Variants in KIAA2012 observed in about 807,000 individuals in gnomAD.
KIAA2012 encodes the protein uncharacterized protein KIAA2012.
A neutral mutation model predicts 150.6 loss-of-function variants in KIAA2012; 125 were observed. The ratio of observed to expected loss-of-function variants is 0.83; its 90% confidence interval spans 0.72 to 0.96. The LOEUF (loss-of-function observed/expected upper bound fraction) is 0.96, where lower values mean the gene tolerates loss of function less well. Ranked by LOEUF, KIAA2012 falls within the 40% of genes least tolerant of loss-of-function variation. The pLI is 0.00. For synonymous variants in KIAA2012, 462 were observed against 504.7 expected (o/e 0.92, Z 1.13); for missense variants, 1,219 against 1,354.9 (o/e 0.90, Z 1.57).
At chr2:202,201,833 A>G (rs1692533022) in intron 22 of KIAA2012, 2 of 1,288,312 alleles carry the variant, frequency 1.6e-6, no homozygotes, top group East Asian at 2.3e-5. Context: ...CTGGATTCCC[A>G]GGAGGCTGCA....
chr2:202,105,861 A>T lies in KIAA2012; in HGVS notation c.1425A>T (p.Leu475Phe), dbSNP rs574228954. ...KHASLETPWE[L>F]TVHLPVDASR... ...CGTCCTTAGAAACACCATGGGAGTTAACAGTGCATCTCCCAGTGGACGCGA... is the reference window on the plus strand; with the variant it reads ...CGTCCTTAGAAACACCATGGGAGTTTACAGTGCATCTCCCAGTGGACGCGA... Residue 475 changes from leucine to phenylalanine, a missense_variant, in exon 9 of 24, where the codon TTA becomes TTT. Physicochemically the swap from Leu to Phe is conservative, Grantham distance 22. Transcript: ENST00000498697. 3 of 1,550,882 alleles carry T rather than the reference A, an allele frequency of 1.9e-6. No homozygotes were observed. In the Middle Eastern group the frequency reaches 5.0e-4, roughly 259 times the overall value.
intron 3 of KIAA2012, 58 bp downstream of exon 3, chr2:202,090,987 G>A (rs1300675447): frequency 7.4e-6 from 11 of 1,476,596 alleles, no homozygotes; most frequent in African/African-American, 1.4e-5. Context: ...CCATTCTGGT[G>A]TGACAGTGTG....
At chr2:202,161,415 A>G (rs1288012644) in intron 14 of KIAA2012, among the ~76,000 whole-genome samples, 1 of 152,192 alleles carries the variant, frequency 6.6e-6, no homozygotes, top group Non-Finnish European at 1.5e-5. Flanking sequence ...TCCAAGCATC[A>G]AAGATGTATT....
At chr2:202,158,201 A>T (rs1014102102) in intron 14 of KIAA2012, among the ~76,000 whole-genome samples, 1 of 152,046 alleles carries the variant, frequency 6.6e-6, no homozygotes, top group African/African-American at 2.4e-5. Context: ...TCACCATGTC[A>T]GCCAGGATGG....
intron 17 of KIAA2012, 131 bp downstream of exon 17, chr2:202,187,229 C>G (rs1237474214): frequency 7.0e-6 from 7 of 1,000,294 alleles, no homozygotes; most frequent in Non-Finnish European, 8.5e-6. Flanking sequence ...GCACTGAGGT[C>G]CAGCCTGTGG....
chr2:202,199,558 T>C (rs1371172371), intron 22 of KIAA2012, among the ~76,000 whole-genome samples: 1 of 152,204 alleles, frequency 6.6e-6, no homozygotes, highest in African/African-American at 2.4e-5. Flanking sequence ...AGACATACAA[T>C]GCTGAACTTC....
At chr2:202,089,237 A>G (rs778418985) in intron 2 of KIAA2012, among the ~76,000 whole-genome samples, 1 of 152,218 alleles carries the variant, frequency 6.6e-6, no homozygotes, top group African/African-American at 2.4e-5. Flanking sequence ...TTTTTGTTAC[A>G]TGAGATAACA....
At chr2:202,095,326 G>A (rs961680022) in intron 4 of KIAA2012, among the ~76,000 whole-genome samples, 19 of 152,198 alleles carry the variant, frequency 1.2e-4, no homozygotes, top group African/African-American at 4.6e-4. Flanking sequence ...TTTATCTGAA[G>A]AAGTAGCAAA....
intron 12 of KIAA2012, 80 bp from the exon 13 acceptor site, chr2:202,138,352 G>GTGTA (rs2105944378): frequency 2.2e-6 from 2 of 915,524 alleles, no homozygotes; most frequent in African/African-American, 1.6e-5. Context: ...AGGTGTGTGT[G>GTGTA]TGTGTATGGT....
intron 13 of KIAA2012, among the ~76,000 whole-genome samples, chr2:202,154,237 A>G (rs1418062215): frequency 6.6e-6 from 1 of 152,252 alleles, no homozygotes; most frequent in African/African-American, 2.4e-5. Context: ...TTTGATAACC[A>G]TTCAGCCACT....
At chr2:202,106,994 C>G (rs1690213015) in intron 9 of KIAA2012, among the ~76,000 whole-genome samples, 1 of 152,146 alleles carries the variant, frequency 6.6e-6, no homozygotes, top group Non-Finnish European at 1.5e-5. Context: ...CTGTGCCAGG[C>G]ACTGTTCTTA....
At chr2:202,200,785 C>G (rs1692504617) in intron 22 of KIAA2012, among the ~76,000 whole-genome samples, 1 of 148,830 alleles carries the variant, frequency 6.7e-6, no homozygotes, top group South Asian at 2.1e-4. Context: ...CGGCTCACCG[C>G]AACCTCCGCC....
At chr2:202,171,848 T>TG (rs1491418093) in intron 15 of KIAA2012, among the ~76,000 whole-genome samples, 2 of 952 alleles carry the variant, frequency 2.1e-3, no homozygotes, top group Non-Finnish European at 0.012. Context: ...TGGCATTTAC[T>TG]TTTTTTTTTT....
intron 2 of KIAA2012, among the ~76,000 whole-genome samples, chr2:202,083,859 G>A (rs1689505681): frequency 6.6e-6 from 1 of 152,204 alleles, no homozygotes; most frequent in Non-Finnish European, 1.5e-5. Flanking sequence ...CTGTCCATAA[G>A]AGAGTGAGAT....
chr2:202,134,751 C>A (rs1223191877), intron 12 of KIAA2012, among the ~76,000 whole-genome samples: 1 of 152,074 alleles, frequency 6.6e-6, no homozygotes, highest in Non-Finnish European at 1.5e-5. Flanking sequence ...GACAGGGTTT[C>A]ACCATGTTGG....
At chr2:202,142,078 G>A (rs561652328) in intron 13 of KIAA2012, among the ~76,000 whole-genome samples, 32 of 152,106 alleles carry the variant, frequency 2.1e-4, no homozygotes, top group Non-Finnish European at 4.3e-4. Context: ...CCTAAAAGGA[G>A]TAACAGAAAA....
rs1344114960 is a variant in KIAA2012 at position 202,138,433 on chromosome 2, A to G, written c.1833A>G (p.Ala611=). Residue 611 remains alanine (A), a splice_region_variant and synonymous_variant, in exon 13 of 24, where the codon GCA becomes GCG. Coordinates refer to ENST00000498697, the MANE Select transcript of KIAA2012 (RefSeq NM_001277372.4). ...EGPSSQHFLK[A]NTEPRANLHM... ...TTTCCTCTTTGATTTTCACTACAGC[A>G]AACACTGAACCTAGAGCCAATCTTC... is the stretch of plus-strand genomic sequence containing the variant. The G allele has an allele frequency of 1.3e-6, 2 of 1,550,622 alleles. No homozygotes were observed. The highest frequency in any genetic ancestry group is 2.4e-5 in the South Asian group (2 of 84,050).
At chr2:202,115,810 C>T (rs889445267) in intron 11 of KIAA2012, 1 of 150,412 alleles carries the variant, frequency 6.6e-6, no homozygotes, top group Non-Finnish European at 1.5e-5. Flanking sequence ...CTTTCTGAGA[C>T]TTCCAGGCTC....
intron 22 of KIAA2012, among the ~76,000 whole-genome samples, chr2:202,200,934 G>A (rs1384053926): frequency 3.3e-5 from 5 of 151,860 alleles, no homozygotes; most frequent in African/African-American, 7.3e-5. Flanking sequence ...TCGAACTCCC[G>A]ACCTCAAGTG....
Sources: allele counts gnomAD v4.1 joint callset (sites outside exome capture counted in the v4.1 genomes callset), GRCh38; gene constraint gnomAD v4.1.1; transcripts MANE v1.5; gene names NCBI Gene and HGNC (gene_info 2026-07-23, HGNC 2026-07-21).